The following ZWILCH variants were observed in gnomAD, a reference collection of about 807,000 sequenced individuals.
ZWILCH encodes zwilch kinetochore protein, also known as protein zwilch homolog.
In ZWILCH, 74 loss-of-function variants were observed where a neutral mutation model predicts 79.9. That is an observed-to-expected ratio of 0.93 (90% CI 0.77 to 1.12). The LOEUF is 1.12. Among genes scored for constraint, ZWILCH ranks in the 50% most tolerant of loss-of-function variants. The pLI is 0.00. For synonymous variants in ZWILCH, 241 were observed against 228.2 expected (o/e 1.06, Z -0.51); for missense variants, 694 against 687.5 (o/e 1.01, Z -0.11).
chr15:66,513,960 TAATGTTGCTCGATACCTGTTTTAACAGGC>T lies in ZWILCH; in HGVS notation c.106-27_107del. 6.5e-7 allele frequency: 1 copy of T among 1,535,618 alleles called. No homozygotes were observed. ...TAGTAGAAATATATAAGTGTATGTATAATGTTGCTCGATACCTGTTTTAACAGGCTGATGTCCAAGTGCAGTTGATCAGC... is the reference window on the plus strand; with the variant it reads ...TAGTAGAAATATATAAGTGTATGTATTGATGTCCAAGTGCAGTTGATCAGC... On this transcript the variant is annotated splice_acceptor_variant and splice_polypyrimidine_tract_variant and coding_sequence_variant and intron_variant, in exon 3 of 19. Coordinates refer to ENST00000307897, the MANE Select transcript of ZWILCH (RefSeq NM_017975.5). LOFTEE classifies it high-confidence loss of function.
intron 17 of ZWILCH, among the ~76,000 whole-genome samples, chr15:66,540,612 T>C (rs922250147): frequency 1.3e-5 from 2 of 151,112 alleles, no homozygotes; most frequent in Non-Finnish European, 2.9e-5. Flanking sequence ...ATTATAGCTC[T>C]TGTGTGCCCA....
intron 11 of ZWILCH, 147 bp from the exon 12 acceptor site, chr15:66,529,347 T>TC (rs1894788824): frequency 9.1e-6 from 5 of 549,570 alleles, no homozygotes; most frequent in Non-Finnish European, 1.6e-5. Flanking sequence ...TCTTTTTTTT[T>TC]TTTGCCACTT....
chr15:66,534,604 A>G (rs1471047771), intron 14 of ZWILCH, among the ~76,000 whole-genome samples: 1 of 152,364 alleles, frequency 6.6e-6, no homozygotes, highest in East Asian at 1.9e-4. Flanking sequence ...TTTGTACTGA[A>G]TACTGTAGGT....
At chr15:66,508,769 G>A in intron 1 of ZWILCH, 72 bp from the exon 2 acceptor site, 1 of 1,597,712 alleles carries the variant, frequency 6.3e-7, no homozygotes, top group Non-Finnish European at 8.5e-7. Context: ...ATAAAGTGAT[G>A]ACTGACTCCT....
chr15:66,509,833 ATATATAT>A (rs1893976681), intron 2 of ZWILCH, among the ~76,000 whole-genome samples: 2 of 28,502 alleles, frequency 7.0e-5, no homozygotes, highest in Admixed American at 9.0e-4. Context: ...ATATATATAT[ATATATAT>A]ATATATATAT....
chr15:66,539,757 CCTAA>C (rs1895134189), intron 16 of ZWILCH, among the ~76,000 whole-genome samples: 1 of 152,122 alleles, frequency 6.6e-6, no homozygotes, highest in Admixed American at 6.6e-5. Context: ...AGTTTATCTG[CCTAA>C]CTAACTCCTG....
Sources: allele counts gnomAD v4.1 joint callset (sites outside exome capture counted in the v4.1 genomes callset), GRCh38; gene constraint gnomAD v4.1.1; transcripts MANE v1.5; gene names NCBI Gene and HGNC (gene_info 2026-07-23, HGNC 2026-07-21).